TAFA4: variants seen among roughly 807,000 people sequenced by gnomAD.
TAFA4 encodes chemokine-like protein TAFA-4.
TAFA4 carries 20 observed loss-of-function variants against 21.1 expected under a neutral mutation model. The observed-to-expected ratio is 0.95, with a 90% CI of 0.67 to 1.38. TAFA4 has a LOEUF of 1.38. Ranked by LOEUF, TAFA4 falls within the 40% of genes most tolerant of loss-of-function variation. TAFA4 has a pLI of 0.00. For missense variants in TAFA4, 211 were observed against 180.9 expected (o/e 1.17, Z -0.95); for synonymous variants, 71 against 67.4 (o/e 1.05, Z -0.26).
chr3:68,886,867 T>C (rs961685444), intron 1 of TAFA4, among the ~76,000 whole-genome samples: 2 of 152,230 alleles, frequency 1.3e-5, no homozygotes, highest in South Asian at 2.1e-4. Context: ...GGAAGTCCAA[T>C]AGCACAAAGG....
intron 3 of TAFA4, among the ~76,000 whole-genome samples, chr3:68,762,320 G>A (rs1702771317): frequency 6.6e-6 from 1 of 152,116 alleles, no homozygotes; most frequent in African/African-American, 2.4e-5. Flanking sequence ...GAGAAATGGT[G>A]TTATCAAGGC....
intron 2 of TAFA4, chr3:68,883,067 T>C (rs930534157): frequency 4.6e-5 from 7 of 152,250 alleles, no homozygotes; most frequent in Non-Finnish European, 7.3e-5. Flanking sequence ...AACACCGATA[T>C]ATTATCACAC....
rs112782921 is a variant in TAFA4, at chr3:68,928,732, C to T, written c.-123+3508G>A. Among the ~76,000 whole-genome samples the T allele has an allele frequency of 1.4e-4, 22 of 152,188 alleles. 1 individual carries two copies. The highest frequency in any genetic ancestry group is 4.8e-4 in the African/African-American group (20 of 41,538). On this transcript the variant is annotated intron_variant, in intron 1 of 5. Transcript: ENST00000295569. ...GCAAGAAGCCAATGTGGCCCTCCTC[C>T]GCAGAGACAGCCAAGGGAAGGGGTC...
At chr3:68,922,369 G>C (rs528845165) in intron 1 of TAFA4, among the ~76,000 whole-genome samples, 156 of 152,272 alleles carry the variant, frequency 1.0e-3, no homozygotes, top group African/African-American at 3.7e-3. Flanking sequence ...TATTAGGAAT[G>C]TCAAGAATAC....
At chr3:68,887,664 C>T (rs775450708) in intron 1 of TAFA4, among the ~76,000 whole-genome samples, 12 of 152,114 alleles carry the variant, frequency 7.9e-5, no homozygotes, top group Non-Finnish European at 1.2e-4. Context: ...ACCACTTGTG[C>T]CCTCTGAAGC....
intron 3 of TAFA4, among the ~76,000 whole-genome samples, chr3:68,857,771 T>C (rs1705102757): frequency 6.6e-6 from 1 of 151,634 alleles, no homozygotes; most frequent in African/African-American, 2.4e-5. Context: ...GGACATGGCT[T>C]TAGCACTCAA....
intron 3 of TAFA4, among the ~76,000 whole-genome samples, chr3:68,843,709 G>T (rs1704722511): frequency 6.6e-6 from 1 of 152,264 alleles, no homozygotes; most frequent in Non-Finnish European, 1.5e-5. Context: ...CTAGTTTACT[G>T]AGAGTTTTTA....
chr3:68,910,127 G>A (rs1303020412), intron 1 of TAFA4, among the ~76,000 whole-genome samples: 1 of 152,218 alleles, frequency 6.6e-6, no homozygotes, highest in Non-Finnish European at 1.5e-5. Flanking sequence ...TCTAGAGCTA[G>A]GCAGCTAGCA....
chr3:68,792,097 T>C (rs1256736013), intron 3 of TAFA4, among the ~76,000 whole-genome samples: 1 of 152,218 alleles, frequency 6.6e-6, no homozygotes, highest in Non-Finnish European at 1.5e-5. Context: ...AACAATCTAA[T>C]TGTTCTTAGA....
intron 5 of TAFA4, 47 bp downstream of exon 5, chr3:68,739,028 C>T (rs1378404119): frequency 2.5e-6 from 4 of 1,604,570 alleles, no homozygotes; most frequent in South Asian, 1.1e-5. Context: ...GAGAAAGCCC[C>T]ACAGTTGATA....
At chr3:68,912,328 T>G (rs762556642) in intron 1 of TAFA4, among the ~76,000 whole-genome samples, 1 of 152,124 alleles carries the variant, frequency 6.6e-6, no homozygotes, top group Non-Finnish European at 1.5e-5. Context: ...AAAGAAAGAT[T>G]GGGGAGAAGG....
chr3:68,903,971 A>G (rs1314546409), intron 1 of TAFA4, among the ~76,000 whole-genome samples: 4 of 152,132 alleles, frequency 2.6e-5, no homozygotes, highest in Non-Finnish European at 4.4e-5. Context: ...AGAAGTTGGA[A>G]AGAAAACTGA....
chr3:68,869,059 A>C (rs1331769483), intron 3 of TAFA4, among the ~76,000 whole-genome samples: 1 of 152,002 alleles, frequency 6.6e-6, no homozygotes, highest in Non-Finnish European at 1.5e-5. Context: ...GATACCACAG[A>C]AATTCAATGG....
Position 68,752,938 on chromosome 3 carries a change from A to G in TAFA4, c.211T>C (p.Ser71Pro). 6.2e-7 allele frequency: 1 copy of G among 1,613,956 alleles called. No homozygotes were observed. The highest frequency in any genetic ancestry group is 8.5e-7 in the Non-Finnish European group (1 of 1,179,992). The change falls in exon 4 of 6, where the codon TCA becomes CCA. Residue 71 changes from serine to proline, a missense_variant. Transcript: ENST00000295569. ...CCNKNRIEER[S>P]QTVKCSCFPG... Reference sequence around the variant, plus strand: ...AAGCAAGAGCACTTGACCGTTTGTGACCGCTCTTCTATGCGGTTCTTATTG... The same window carrying G: ...AAGCAAGAGCACTTGACCGTTTGTGGCCGCTCTTCTATGCGGTTCTTATTG...
intron 3 of TAFA4, among the ~76,000 whole-genome samples, chr3:68,872,970 A>C (rs1354224439): frequency 6.6e-6 from 1 of 152,164 alleles, no homozygotes; most frequent in Non-Finnish European, 1.5e-5. Context: ...GCTCCTTGGT[A>C]AATATATTTA....
chr3:68,839,603 A>G (rs1480865425), intron 3 of TAFA4, among the ~76,000 whole-genome samples: 1 of 152,208 alleles, frequency 6.6e-6, no homozygotes, highest in Non-Finnish European at 1.5e-5. Flanking sequence ...ACCTTTTCAC[A>G]CTGAGAAACG....
intron 1 of TAFA4, among the ~76,000 whole-genome samples, chr3:68,903,835 G>T (rs1321876277): frequency 6.6e-6 from 1 of 152,102 alleles, no homozygotes; most frequent in Non-Finnish European, 1.5e-5. Flanking sequence ...CACAGAAAAG[G>T]TTCAGGACTC....
chr3:68,785,217 A>G (rs1340615547), intron 3 of TAFA4, among the ~76,000 whole-genome samples: 2 of 152,234 alleles, frequency 1.3e-5, no homozygotes, highest in African/African-American at 4.8e-5. Context: ...AGGTTCTCCA[A>G]GTCCTCACCA....
chr3:68,896,401 A>G (rs2106974463), intron 1 of TAFA4, among the ~76,000 whole-genome samples: 1 of 152,272 alleles, frequency 6.6e-6, no homozygotes, highest in African/African-American at 2.4e-5. Flanking sequence ...CAGGATGGTG[A>G]CAACACAGCC....
Sources: gnomAD v4.1 joint callset for allele counts (sites outside exome capture counted in the v4.1 genomes callset) on GRCh38, gnomAD v4.1.1 for gene constraint, MANE v1.5 for transcripts, NCBI Gene and HGNC (gene_info 2026-07-23, HGNC 2026-07-21) for gene names.